Variants in LARP1 observed in about 807,000 individuals in gnomAD.
The protein encoded by LARP1 is La ribonucleoprotein 1, translational regulator.
Under a neutral mutation model 122.7 loss-of-function variants are expected in LARP1, and 36 were observed. The ratio of observed to expected loss-of-function variants is 0.29; its 90% CI spans 0.22 to 0.39. LARP1 has a LOEUF of 0.39. Among genes scored for constraint, LARP1 ranks in the 10% least tolerant of loss-of-function variants. The pLI, the probability that LARP1 is intolerant of heterozygous loss-of-function variation, is 1.00. For synonymous variants in LARP1, 539 were observed against 528.7 expected (o/e 1.02, Z -0.27); for missense variants, 1,040 against 1,403.6 (o/e 0.74, Z 4.14).
chr5:154,752,647 ATGT>A (rs1753561409), upstream of LARP1, among the ~76,000 whole-genome samples: 1 of 151,528 alleles, frequency 6.6e-6, no homozygotes, highest in Non-Finnish European at 1.5e-5. Context: ...TAAGCCTAAG[ATGT>A]TGTCTCGGCC....
chr5:154,810,264 C>T (rs1159392748), intron 16 of LARP1, among the ~76,000 whole-genome samples: 4 of 150,956 alleles, frequency 2.6e-5, no homozygotes, highest in Admixed American at 1.3e-4. Context: ...GGTGAAGCCC[C>T]GTCTCTACTA....
chr5:154,715,869 G>A (rs78711386), intron 1 of LARP1, among the ~76,000 whole-genome samples: 150 of 152,280 alleles, frequency 9.9e-4, no homozygotes, highest in African/African-American at 3.4e-3. Flanking sequence ...ATGTTTTGAA[G>A]TCATTACCTT....
Position 154,814,226 on chromosome 5 carries a change from T to C in LARP1, c.*130T>C. 1 of 887,518 alleles carries C rather than the reference T, an allele frequency of 1.1e-6. No homozygotes were observed. Among genetic ancestry groups the C allele is most frequent in the South Asian group, 1.7e-5 (1 of 60,582 alleles). The allele number at this position is 887,518 out of a possible 1,614,324, so 55.0% of individuals were successfully genotyped here. ...GAGTTACTAGGACAGGCCTTTGTGC[T>C]GAGTAGCAATGTATACACCATTTGG... is the stretch of plus-strand genomic sequence containing the variant. On this transcript the variant is annotated 3_prime_UTR_variant, in exon 19 of 19. Transcript: ENST00000518297.
chr5:154,697,398 A>G (rs1477090380), intron 1 of LARP1, among the ~76,000 whole-genome samples: 3 of 152,140 alleles, frequency 2.0e-5, no homozygotes, highest in South Asian at 4.1e-4. Flanking sequence ...ACCTGTGTCT[A>G]CTAGACTAGG....
intron 1 of LARP1, among the ~76,000 whole-genome samples, chr5:154,702,349 A>G (rs1174637157): frequency 1.3e-5 from 2 of 152,030 alleles, no homozygotes; most frequent in Non-Finnish European, 2.9e-5. Context: ...TGAGGTCAGG[A>G]GTTTGAAACC....
intron 1 of LARP1, among the ~76,000 whole-genome samples, chr5:154,770,124 G>C (rs2113654445): frequency 6.6e-6 from 1 of 152,268 alleles, no homozygotes; most frequent in Middle Eastern, 3.4e-3. Flanking sequence ...GAGGAGGTAG[G>C]GGGAGGAGGC....
chr5:154,718,253 C>G (rs953792027), intron 1 of LARP1: 1 of 152,212 alleles, frequency 6.6e-6, no homozygotes, highest in African/African-American at 2.4e-5. Flanking sequence ...CTGCATCTAA[C>G]TAGTATCTTA....
At chr5:154,701,467 G>T (rs555979627) in intron 1 of LARP1, among the ~76,000 whole-genome samples, 1 of 152,208 alleles carries the variant, frequency 6.6e-6, no homozygotes, top group Admixed American at 6.5e-5. Flanking sequence ...GTTCAGAGCT[G>T]ACTCCAGCCC....
intron 10 of LARP1, among the ~76,000 whole-genome samples, 170 bp from the exon 11 acceptor site, chr5:154,801,837 A>G (rs1758376592): frequency 6.6e-6 from 1 of 151,962 alleles, no homozygotes; most frequent in East Asian, 1.9e-4. Flanking sequence ...CCTTTCTCAT[A>G]GTCATAAAGC....
chr5:154,771,799 A>G (rs1174383977), intron 1 of LARP1, among the ~76,000 whole-genome samples: 2 of 152,180 alleles, frequency 1.3e-5, no homozygotes, highest in Admixed American at 6.5e-5. Flanking sequence ...GGCCACATGC[A>G]GGCCTGCTGG....
At chr5:154,778,131 G>A (rs1365157218) in intron 1 of LARP1, among the ~76,000 whole-genome samples, 1 of 151,712 alleles carries the variant, frequency 6.6e-6, no homozygotes, top group Non-Finnish European at 1.5e-5. Context: ...GTGGTGGTGG[G>A]CGCCTGTAGT....
chr5:154,786,575 T>G, intron 1 of LARP1: 1 of 438,568 alleles, frequency 2.3e-6, no homozygotes, highest in East Asian at 7.1e-5. Context: ...CGGAGACCTG[T>G]GGACAGATAA....
intron 16 of LARP1, 110 bp downstream of exon 16, chr5:154,808,713 A>G: frequency 9.2e-7 from 1 of 1,087,510 alleles, no homozygotes; most frequent in Non-Finnish European, 1.3e-6. Context: ...GTGTATGTTC[A>G]TTCATATACT....
At chr5:154,727,637 AGT>A (rs1346844787) in intron 1 of LARP1, among the ~76,000 whole-genome samples, 1 of 152,174 alleles carries the variant, frequency 6.6e-6, no homozygotes, top group Non-Finnish European at 1.5e-5. Flanking sequence ...ATGCTAAGAG[AGT>A]GAATGTTGTG....
At chr5:154,740,325 G>A (rs1757161377) in intron 1 of LARP1, among the ~76,000 whole-genome samples, 2 of 151,224 alleles carry the variant, frequency 1.3e-5, no homozygotes, top group African/African-American at 2.4e-5. Context: ...TCTGGGAGGC[G>A]GAGGTTGCGA....
At position 154,792,646 on chromosome 5, in the gene LARP1, A is replaced by C; in HGVS notation, c.589A>C (p.Thr197Pro). 1 of 1,614,114 alleles carries C rather than the reference A, an allele frequency of 6.2e-7. No individual in the cohort carries two copies. ...VQPQSHKPQP[T>P]RKLPPKKDMK... ...GCCACAGTCCCACAAGCCTCAGCCT[A>C]CCCGTAAACTGCCACCCAAGAAGGA... Residue 197 changes from threonine to proline, a missense_variant, in exon 4 of 19, where the codon ACC becomes CCC. Around this residue, in one of 8 missense-constraint regions of LARP1, gnomAD observed 257 missense variants for 273.3 expected, o/e 0.94. Transcript: ENST00000518297.
chr5:154,712,302 G>A (rs1755257220), upstream of LARP1, among the ~76,000 whole-genome samples: 1 of 152,232 alleles, frequency 6.6e-6, no homozygotes, highest in Non-Finnish European at 1.5e-5. Flanking sequence ...AACTGAGGCA[G>A]TGAGTGACTT....
chr5:154,684,429 C>T (rs1042260645), intron 1 of LARP1, among the ~76,000 whole-genome samples: 6 of 152,104 alleles, frequency 3.9e-5, no homozygotes, highest in African/African-American at 1.4e-4. Context: ...CAGTGAGACC[C>T]TTTCACACAC....
chr5:154,756,910 A>C (rs574071464), intron 1 of LARP1, among the ~76,000 whole-genome samples: 1 of 150,508 alleles, frequency 6.6e-6, no homozygotes, highest in Admixed American at 6.6e-5. Context: ...TTGGCGGAAA[A>C]TGTGAGGCGG....
Sources: gnomAD v4.1 joint callset for allele counts (sites outside exome capture counted in the v4.1 genomes callset) on GRCh38, gnomAD v4.1.1 for gene constraint, gnomAD v4.1.1 regional missense constraint, MANE v1.5 for transcripts, NCBI Gene and HGNC (gene_info 2026-07-23, HGNC 2026-07-21) for gene names.